DPP6: variants seen among roughly 807,000 people sequenced by gnomAD.
The protein encoded by DPP6 is A-type potassium channel modulatory protein DPP6.
In DPP6, 69 loss-of-function variants were observed where a neutral mutation model predicts 122.6. The ratio of observed to expected loss-of-function variants is 0.56; its 90% CI spans 0.46 to 0.69. The LOEUF (loss-of-function observed/expected upper bound fraction) is 0.69, where lower values mean the gene tolerates loss of function less well. Among genes scored for constraint, DPP6 ranks in the 30% least tolerant of loss-of-function variants. The pLI is 0.00. For synonymous variants in DPP6, 418 were observed against 433.1 expected (o/e 0.97, Z 0.43); for missense variants, 928 against 1,116.9 (o/e 0.83, Z 2.41).
chr7:154,650,167 A>T (rs1836780882), intron 6 of DPP6, among the ~76,000 whole-genome samples: 1 of 152,078 alleles, frequency 6.6e-6, no homozygotes, highest in Admixed American at 6.6e-5. Flanking sequence ...CAAAAATACA[A>T]TTAAAAAATT....
chr7:153,995,786 G>A (rs1797402913), intron 1 of DPP6, among the ~76,000 whole-genome samples: 2 of 152,074 alleles, frequency 1.3e-5, no homozygotes, highest in Admixed American at 1.3e-4. Flanking sequence ...AGCACCAGAT[G>A]GGAGATACGG....
At chr7:154,136,586 T>C (rs1795568098) in intron 1 of DPP6, among the ~76,000 whole-genome samples, 1 of 152,196 alleles carries the variant, frequency 6.6e-6, no homozygotes, top group African/African-American at 2.4e-5. Flanking sequence ...TAAAATCTTT[T>C]CAAAATGCTC....
chr7:154,334,415 C>G (rs938226396), intron 1 of DPP6, among the ~76,000 whole-genome samples: 8 of 152,208 alleles, frequency 5.3e-5, no homozygotes, highest in Admixed American at 5.2e-4. Flanking sequence ...GGAACAAACA[C>G]CTCTTTCCTG....
chr7:154,451,715 A>G (rs1233585286), intron 2 of DPP6, among the ~76,000 whole-genome samples: 5 of 152,222 alleles, frequency 3.3e-5, no homozygotes, highest in African/African-American at 1.2e-4. Context: ...GAGAAGCTCT[A>G]GTGAATGGCT....
intron 1 of DPP6, among the ~76,000 whole-genome samples, chr7:153,975,356 C>A (rs1191062241): frequency 1.5e-5 from 2 of 137,724 alleles, no homozygotes; most frequent in African/African-American, 5.6e-5. Context: ...CCACAGAGTA[C>A]CTGGGAACTT....
Position 154,208,665 on chromosome 7 carries a change from G to C in DPP6, c.243+155602G>C, listed in dbSNP as rs143557433. Among the ~76,000 whole-genome samples the C allele has an allele frequency of 2.5e-3, 376 of 152,260 alleles. 4 individuals carry two copies. The highest frequency in any genetic ancestry group is 8.6e-3 in the African/African-American group (359 of 41,544). On this transcript the variant is annotated intron_variant, in intron 1 of 25. Transcript: ENST00000377770. ...TTAATTGGCAATTGTGTGTTGGAAAGCTATTGTAAAAGGATCACAGTTTTG... is the reference window on the plus strand; with the variant it reads ...TTAATTGGCAATTGTGTGTTGGAAACCTATTGTAAAAGGATCACAGTTTTG...
At chr7:154,144,566 T>TG (rs1474160413) in intron 1 of DPP6, among the ~76,000 whole-genome samples, 1 of 148,818 alleles carries the variant, frequency 6.7e-6, no homozygotes. Context: ...GTCAATGAAA[T>TG]GGGGGGAGAG....
intron 1 of DPP6, among the ~76,000 whole-genome samples, chr7:153,971,056 T>C (rs932155225): frequency 1.3e-5 from 2 of 152,172 alleles, no homozygotes; most frequent in Non-Finnish European, 2.9e-5. Context: ...ATTAACTCTA[T>C]ACATCAATTT....
intron 1 of DPP6, among the ~76,000 whole-genome samples, chr7:153,997,004 A>T (rs900331412): frequency 6.6e-6 from 1 of 152,088 alleles, no homozygotes; most frequent in African/African-American, 2.4e-5. Context: ...ATTGTCTCTG[A>T]ATTAAAAAAA....
At chr7:154,832,167 CTGCCGTA>C (rs1563260672) in intron 16 of DPP6, among the ~76,000 whole-genome samples, 1 of 152,182 alleles carries the variant, frequency 6.6e-6, no homozygotes, top group Non-Finnish European at 1.5e-5. Context: ...TCCTGAGTGG[CTGCCGTA>C]TGCCAGGCAA....
the DPP6 span, among the ~76,000 whole-genome samples, chr7:153,767,693 A>T: frequency 3.3e-5 from 5 of 152,252 alleles, no homozygotes; most frequent in Admixed American, 6.5e-5. Flanking sequence ...AAAAAGTGAG[A>T]AACTTTTAAA....
the DPP6 span, among the ~76,000 whole-genome samples, chr7:153,880,386 T>C: frequency 1.3e-5 from 2 of 152,274 alleles, no homozygotes; most frequent in Admixed American, 1.3e-4. Flanking sequence ...TATTTTCCAA[T>C]ACTTTGCTTA....
intron 1 of DPP6, among the ~76,000 whole-genome samples, chr7:154,053,413 G>T (rs1169834606): frequency 6.6e-6 from 1 of 151,928 alleles, no homozygotes; most frequent in Non-Finnish European, 1.5e-5. Flanking sequence ...GAATTCGATC[G>T]GCCTGTGCTT....
chr7:154,665,411 T>C (rs180823976), intron 6 of DPP6, among the ~76,000 whole-genome samples: 71 of 152,338 alleles, frequency 4.7e-4, no homozygotes, highest in Non-Finnish European at 7.8e-4. Context: ...ATTTTTGTTG[T>C]TGTTGATCAA....
At chr7:154,299,626 TAGA>T (rs768062116) in intron 1 of DPP6, among the ~76,000 whole-genome samples, 3 of 152,252 alleles carry the variant, frequency 2.0e-5, no homozygotes, top group East Asian at 1.9e-4. Context: ...GATTGTAAGT[TAGA>T]AGAAGTGACT....
At chr7:154,715,983 G>A (rs560409718) in intron 7 of DPP6, among the ~76,000 whole-genome samples, 10 of 152,206 alleles carry the variant, frequency 6.6e-5, no homozygotes, top group Admixed American at 5.9e-4. Context: ...TAGGTGTGAG[G>A]ATGAGAAATC....
intron 7 of DPP6, among the ~76,000 whole-genome samples, chr7:154,671,595 G>A (rs775889439): frequency 6.6e-6 from 1 of 152,112 alleles, no homozygotes; most frequent in Admixed American, 6.5e-5. Flanking sequence ...GTAACATAAA[G>A]GAAATTTAAC....
At chr7:154,025,281 A>T (rs1798911600) in intron 1 of DPP6, among the ~76,000 whole-genome samples, 1 of 137,964 alleles carries the variant, frequency 7.2e-6, no homozygotes, top group Non-Finnish European at 1.5e-5. Context: ...GTGGGTTTGT[A>T]TGTTGAATTG....
intron 1 of DPP6, among the ~76,000 whole-genome samples, chr7:154,371,401 A>AAAAAAG (rs1554529695): frequency 5.0e-5 from 6 of 120,624 alleles, no homozygotes; most frequent in Non-Finnish European, 9.6e-5. Context: ...AAAAAAAAAA[A>AAAAAAG]AAAGAAAGAA....
Sources: allele counts gnomAD v4.1 joint callset (sites outside exome capture counted in the v4.1 genomes callset), GRCh38; gene constraint gnomAD v4.1.1; transcripts MANE v1.5; gene names NCBI Gene and HGNC (gene_info 2026-07-23, HGNC 2026-07-21).